NKX6-3: variants seen among roughly 807,000 people sequenced by gnomAD.
NKX6-3 encodes the protein NK6 homeobox 3.
In NKX6-3, 17 loss-of-function variants were observed where a neutral mutation model predicts 22.0. That is an observed-to-expected ratio of 0.77 (90% CI 0.53 to 1.16). The LOEUF (loss-of-function observed/expected upper bound fraction) is 1.16. NKX6-3 is among the 50% of genes most tolerant of loss of function. The pLI is 0.00. For missense variants in NKX6-3, 363 were observed against 359.0 expected, an observed-to-expected ratio of 1.01 and a Z score of -0.09; for synonymous variants, 177 against 167.2, an observed-to-expected ratio of 1.06 and a Z score of -0.45.
chr8:41,647,361 G>C (rs1476436619), intron 2 of NKX6-3: 1 of 1,553,606 alleles, frequency 6.4e-7, no homozygotes, highest in Admixed American at 2.1e-5. Context: ...TGCATCCTTA[G>C]GCCCGTCGCC....
intron 1 of NKX6-3, 128 bp downstream of exon 1, chr8:41,649,983 T>C: frequency 9.8e-7 from 1 of 1,016,658 alleles, no homozygotes; most frequent in Non-Finnish European, 1.4e-6. Flanking sequence ...AGGCTACGAG[T>C]CCAGGGGTTA....
rs28412445 is a variant in NKX6-3, at chr8:41,650,430, C to T, written c.63G>A (p.Glu21=). The stretch of plus-strand genomic sequence containing the variant: ...AGTACTGGCACACCGGGGCCTTCAT[C>T]TCCGGAAACTGAGCCAGCGGCGTGT... The part of the protein sequence containing the change: ...LNNTPLAQFP[E]MKAPVCQYSV... The change falls in exon 1 of 3, where the codon GAG becomes GAA. Residue 21 remains glutamate (E), a synonymous_variant. Coordinates refer to ENST00000518699, the MANE Select transcript of NKX6-3 (RefSeq NM_001364841.2). 1.9e-3 allele frequency: 2,935 copies of T among 1,535,764 alleles called. 63 individuals carry two copies. In the African/African-American group the frequency reaches 0.037, roughly 19 times the overall value.
chr8:41,645,306 C>T lies in NKX6-3; in HGVS notation c.*1143G>A, dbSNP rs1189417108. The T allele has an allele frequency of 6.6e-6, 1 of 152,290 alleles. No individual in the cohort carries two copies. Among genetic ancestry groups the T allele is most frequent in the East Asian group, 1.9e-4 (1 of 5,190 alleles). The allele number at this position is 152,290 out of a possible 1,614,324, so 9.4% of individuals were successfully genotyped here. ...CTCACCCGCCTCCCCCAGCCCACCC[C>T]CTACCTGCCAGCAGCTCAGATCACC... is the stretch of plus-strand genomic sequence containing the variant. On this transcript the variant is annotated 3_prime_UTR_variant, in exon 3 of 3. Transcript: ENST00000518699.
rs925468820 is a variant in NKX6-3 at position 41,650,636 on chromosome 8, G to T, written c.-144C>A. On this transcript the variant is annotated 5_prime_UTR_variant, in exon 1 of 3. Coordinates refer to ENST00000518699, the MANE Select transcript of NKX6-3 (RefSeq NM_001364841.2). ...GCCTCCCACCTAAGGCATGGGCCAG[G>T]CCCTGGCCCAGGAACCGGCACCCGA... The T allele has an allele frequency of 3.4e-6, 3 of 870,226 alleles. No individual in the cohort carries two copies. The highest frequency in any genetic ancestry group is 5.1e-6 in the Non-Finnish European group (3 of 586,032). 53.9% of individuals were successfully genotyped at this position (870,226 alleles called of 1,614,324 possible). A position where few individuals can be genotyped will look rare whatever the true frequency, so the allele number is the denominator to read the frequency against.
At chr8:41,646,896 C>A (rs1452870302) in intron 2 of NKX6-3, among the ~76,000 whole-genome samples, 1 of 46,746 alleles carries the variant, frequency 2.1e-5, no homozygotes, top group African/African-American at 9.3e-5. Flanking sequence ...CCATTTGCTT[C>A]CTCTTCCACC....
Position 41,646,628 on chromosome 8 carries a change from G to T in NKX6-3, c.619C>A (p.Pro207Thr), listed in dbSNP as rs1451527730. ...KSALEPSSST[P>T]RAPGGAGAGA... ...GCACCCGCGCCGCCCGGGGCCCGGG[G>T]CGTGGAGGACGAGGGCTCCAGGGCG... The change falls in exon 3 of 3, where the codon CCC becomes ACC. Residue 207 changes from proline to threonine, a missense_variant. Transcript: ENST00000518699. The T allele has an allele frequency of 5.1e-6, 8 of 1,556,882 alleles. No homozygotes were observed. The South Asian group carries it at 8.2e-5, about 16-fold the overall frequency.
chr8:41,646,781 T>C (rs909306961), intron 2 of NKX6-3, 87 bp from the exon 3 acceptor site: 24 of 1,481,206 alleles, frequency 1.6e-5, no homozygotes, highest in Non-Finnish European at 1.8e-5. Flanking sequence ...GCTAAACAAA[T>C]GGCTCAACAA....
At chr8:41,646,933 CTCCCCCTCCCCTCCCCCT>C (rs1250038217) in intron 2 of NKX6-3, among the ~76,000 whole-genome samples, 42 of 20,864 alleles carry the variant, frequency 2.0e-3, no homozygotes, top group African/African-American at 8.0e-3. Context: ...CTCCCTCCCC[CTCCCCCTCCCCTCCCCCT>C]CCCCCTCCCC....
At chr8:41,647,151 G>A (rs749661821) in intron 2 of NKX6-3, 13 of 1,598,728 alleles carry the variant, frequency 8.1e-6, no homozygotes, top group Admixed American at 3.4e-5. Flanking sequence ...GAAAAGTAAC[G>A]TAGGTCCATT....
chr8:41,647,070 T>A (rs551789179), intron 2 of NKX6-3: 12 of 1,081,414 alleles, frequency 1.1e-5, no homozygotes, highest in Non-Finnish European at 1.1e-5. Flanking sequence ...AAGGTGCTTA[T>A]GAGCAGTCCC....
chr8:41,646,613 C>CGCCCGGG lies in NKX6-3; in HGVS notation c.627_633dup (p.Gly212ProfsTer92). ...TCCCCGCCTGCGCCTGCACCCGCGC[C>CGCCCGGG]GCCCGGGGCCCGGGGCGTGGAGGAC... On this transcript the variant is annotated frameshift_variant, in exon 3 of 3. Coordinates refer to ENST00000518699, the MANE Select transcript of NKX6-3 (RefSeq NM_001364841.2). LOFTEE classifies it high-confidence loss of function. The CGCCCGGG allele has an allele frequency of 6.4e-7, 1 of 1,563,132 alleles. No individual in the cohort carries two copies. The highest frequency in any genetic ancestry group is 8.7e-7 in the Non-Finnish European group (1 of 1,154,646).
chr8:41,646,817 C>A (rs1372212115), intron 2 of NKX6-3, 123 bp from the exon 3 acceptor site: 2 of 1,357,936 alleles, frequency 1.5e-6, no homozygotes, highest in Non-Finnish European at 2.0e-6. Flanking sequence ...ATTCACGTTT[C>A]TGTTGGGGAA....
Position 41,650,757 on chromosome 8 carries a change from A to G in NKX6-3, c.-265T>C, listed in dbSNP as rs1206229895. On this transcript the variant is annotated 5_prime_UTR_variant, in exon 1 of 3. Transcript: ENST00000518699. ...CCCTGGCCGGACAGGGTGGCCCCCT[A>G]AGCCTCAGCTCAGACCCCCTTTCTG... 1 of 449,252 alleles carries G rather than the reference A, an allele frequency of 2.2e-6. No individual in the cohort carries two copies. The highest frequency in any genetic ancestry group is 4.0e-6 in the Non-Finnish European group (1 of 249,708). The allele number at this position is 449,252 out of a possible 1,614,324, so 27.8% of individuals were successfully genotyped here.
rs1445540705 is a variant in NKX6-3 at position 41,646,592 on chromosome 8, C to A, written c.655G>T (p.Gly219Trp). The A allele has an allele frequency of 5.1e-6, 8 of 1,576,038 alleles. No individual in the cohort carries two copies. Among genetic ancestry groups the A allele is most frequent in the African/African-American group, 1.4e-5 (1 of 73,982 alleles). Residue 219 changes from glycine to tryptophan, a missense_variant, in exon 3 of 3, where the codon GGG becomes TGG. Transcript: ENST00000518699. ...TCGTTCTCCGAGGGTGCGCGGTCCC[C>A]GCCTGCGCCTGCACCCGCGCCGCCC... ...APGGAGAGAG[G>W]DRAPSENEDD...
At position 41,650,480 on chromosome 8, in the gene NKX6-3, G is replaced by C. The variant is rs1227254112; in HGVS notation, c.13C>G (p.Leu5Val). MESNLQGTFLLNNTP... is the reference protein window; with the variant it reads MESNVQGTFLLNNTP... Reference sequence around the variant, plus strand: ...TTGTTCAGCAGGAACGTCCCCTGCAGGTTGGACTCCATGATCTCCCAGTCA... The same window carrying C: ...TTGTTCAGCAGGAACGTCCCCTGCACGTTGGACTCCATGATCTCCCAGTCA... Residue 5 changes from leucine (L) to valine (V), a missense_variant, in exon 1 of 3, where the codon CTG (leucine) becomes GTG (valine). By Grantham distance (32) the Leu-to-Val change is conservative. Transcript: ENST00000518699. The C allele has an allele frequency of 3.9e-6, 6 of 1,535,534 alleles. No individual in the cohort carries two copies. The highest frequency in any genetic ancestry group is 5.2e-6 in the Non-Finnish European group (6 of 1,146,820).
In NKX6-3 at chr8:41,646,675, C is replaced by A. The variant is rs748536739; in HGVS notation, c.572G>T (p.Arg191Met). ...SQVKVWFQNR[R>M]TKWRKKSALE... ...GGCGCTCTTCTTCCGCCACTTGGTC[C>A]TGCGGTTCTGGAACCACACCTGCGA... Residue 191 changes from arginine (R) to methionine (M), a missense_variant, in exon 3 of 3, where the codon AGG (arginine) becomes ATG (methionine). Physicochemically the swap from Arg to Met is moderately conservative, Grantham distance 91. Coordinates refer to ENST00000518699, the MANE Select transcript of NKX6-3 (RefSeq NM_001364841.2). 1 of 1,542,652 alleles carries A rather than the reference C, an allele frequency of 6.5e-7. No homozygotes were observed. Among genetic ancestry groups the A allele is most frequent in the African/African-American group, 1.4e-5 (1 of 72,608 alleles).
Position 41,646,265 on chromosome 8 carries a change from T to C in NKX6-3, c.*184A>G. The C allele has an allele frequency of 1.3e-6, 1 of 771,198 alleles. No homozygotes were observed. The highest frequency in any genetic ancestry group is 1.9e-5 in the South Asian group (1 of 53,940). 47.8% of individuals were successfully genotyped at this position (771,198 alleles called of 1,614,324 possible). A position where few individuals can be genotyped will look rare whatever the true frequency, so the allele number is the denominator to read the frequency against. On this transcript the variant is annotated 3_prime_UTR_variant, in exon 3 of 3. Transcript: ENST00000518699. ...GATGCCTGTCCCCTTTCCCTCCTTT[T>C]CCTCCTCCTCCCCCGCCTCCCCTCC...
rs1454505102 is a variant in NKX6-3 at position 41,650,291 on chromosome 8, T to C, written c.202A>G (p.Asn68Asp). Residue 68 changes from asparagine (N) to aspartate (D), a missense_variant, in exon 1 of 3, where the codon AAC becomes GAC. Transcript: ENST00000518699. ...ILSRPVAAPN[N>D]SLLSGYPHVA... ...TGGGGGTAGCCGGAGAGGAGGCTGT[T>C]GTTCGGCGCAGCCACGGGCCTGCTC... The C allele has an allele frequency of 1.3e-6, 2 of 1,534,372 alleles. No individual in the cohort carries two copies. The highest frequency in any genetic ancestry group is 2.0e-5 in the Admixed American group (1 of 50,766).
intron 1 of NKX6-3, among the ~76,000 whole-genome samples, chr8:41,649,813 C>T (rs1197333454): frequency 1.3e-5 from 2 of 152,132 alleles, no homozygotes; most frequent in Admixed American, 6.5e-5. Context: ...TCGTGCAGGG[C>T]AGGCGTGGGC....
Sources: gnomAD v4.1 joint callset for allele counts (sites outside exome capture counted in the v4.1 genomes callset) on GRCh38, gnomAD v4.1.1 for gene constraint, MANE v1.5 for transcripts, NCBI Gene and HGNC (gene_info 2026-07-23, HGNC 2026-07-21) for gene names.